The following LRBA variants were observed in gnomAD, a reference collection of about 807,000 sequenced individuals.
LRBA encodes the protein lipopolysaccharide-responsive and beige-like anchor protein.
In LRBA, 176 loss-of-function variants were observed where a neutral mutation model predicts 330.0. The ratio of observed to expected loss-of-function variants is 0.53; its 90% confidence interval spans 0.47 to 0.60. The LOEUF (loss-of-function observed/expected upper bound fraction) is 0.60, where lower values mean the gene tolerates loss of function less well. LRBA is among the 20% of genes least tolerant of loss of function. The pLI, the probability that LRBA is intolerant of heterozygous loss-of-function variation, is 0.00. For missense variants in LRBA, 3,259 were observed against 3,444.8 expected, an observed-to-expected ratio of 0.95 and a Z score of 1.35; for synonymous variants, 1,230 against 1,193.0, an observed-to-expected ratio of 1.03 and a Z score of -0.64.
chr4:150,861,769 A>T (rs892599477), intron 22 of LRBA, among the ~76,000 whole-genome samples: 2 of 152,142 alleles, frequency 1.3e-5, no homozygotes, highest in Non-Finnish European at 2.9e-5. Flanking sequence ...AAACTTTTTG[A>T]CTCTTTTGAA....
intron 34 of LRBA, among the ~76,000 whole-genome samples, chr4:150,765,418 T>C (rs1455296003): frequency 1.3e-5 from 2 of 152,024 alleles, no homozygotes; most frequent in Non-Finnish European, 2.9e-5. Context: ...TGGGTGATAA[T>C]GATATGTCAA....
At chr4:150,766,658 G>T (rs759462600) in intron 34 of LRBA, among the ~76,000 whole-genome samples, 1 of 152,082 alleles carries the variant, frequency 6.6e-6, no homozygotes, top group South Asian at 2.1e-4. Context: ...AATGGTCATC[G>T]TCTTTCATGA....
Position 150,908,706 on chromosome 4 carries a change from T to A in LRBA, c.1313A>T (p.Asp438Val). The change falls in exon 10 of 57, where the codon GAC becomes GTC. Residue 438 changes from aspartate to valine, a missense_variant. Asp to Val is a radical substitution (Grantham distance 152, BLOSUM62 -3). Transcript: ENST00000651943. ...AQLCLESSPK[D>V]NPSIFVHSPH... ...TGAATGAACAAAAATTGAAGGGTTG[T>A]CCTTAGGAGATGATTCAAGACAAAG... 6.2e-7 allele frequency: 1 copy of A among 1,614,050 alleles called. No homozygotes were observed. The highest frequency in any genetic ancestry group is 8.5e-7 in the Non-Finnish European group (1 of 1,179,930).
intron 50 of LRBA, 58 bp from the exon 51 acceptor site, chr4:150,315,681 A>G (rs2126900700): frequency 1.0e-6 from 1 of 1,002,430 alleles, no homozygotes. Context: ...TAAACTACAT[A>G]AAAATGCATA....
At chr4:150,726,287 A>G (rs1285652578) in intron 36 of LRBA, among the ~76,000 whole-genome samples, 1 of 152,220 alleles carries the variant, frequency 6.6e-6, no homozygotes, top group African/African-American at 2.4e-5. Flanking sequence ...TAGACTGAAG[A>G]TAAAGAGACG....
At chr4:151,007,024 T>C (rs1302480632) in intron 2 of LRBA, among the ~76,000 whole-genome samples, 1 of 151,940 alleles carries the variant, frequency 6.6e-6, no homozygotes, top group Non-Finnish European at 1.5e-5. Context: ...AATAAAGAGG[T>C]CTTCCCTATT....
intron 37 of LRBA, among the ~76,000 whole-genome samples, chr4:150,625,604 T>G (rs1035872816): frequency 1.3e-5 from 2 of 151,820 alleles, no homozygotes; most frequent in Non-Finnish European, 2.9e-5. Flanking sequence ...CAATCTTGCA[T>G]GAGCATTAGA....
At chr4:150,544,297 T>G (rs968579825) in intron 40 of LRBA, among the ~76,000 whole-genome samples, 2 of 152,060 alleles carry the variant, frequency 1.3e-5, no homozygotes, top group African/African-American at 4.8e-5. Context: ...CCAGCTAATT[T>G]TTGTATTTTT....
chr4:150,336,796 C>G (rs369404042), intron 48 of LRBA, among the ~76,000 whole-genome samples: 3 of 152,174 alleles, frequency 2.0e-5, no homozygotes, highest in East Asian at 3.8e-4. Flanking sequence ...CCATCTACTA[C>G]AGCATAATCC....
chr4:150,583,121 T>A lies in LRBA; in HGVS notation c.6330+4927A>T. 6.2e-7 allele frequency: 1 copy of A among 1,614,112 alleles called. No individual in the cohort carries two copies. The highest frequency in any genetic ancestry group is 8.5e-7 in the Non-Finnish European group (1 of 1,180,014). ...CGCAAGGCGGCCATCGCCAAAACCA[T>A]CCGAGAGGTCTGTAAGGTGGTCTCG... On this transcript the variant is annotated intron_variant, in intron 40 of 56. Transcript: ENST00000651943. This position sits in a 1 kb window ranked among gnomAD's most constrained non-coding sequence, Gnocchi z 9.8.
intron 47 of LRBA, among the ~76,000 whole-genome samples, chr4:150,397,789 A>G (rs1744943168): frequency 6.6e-6 from 1 of 152,182 alleles, no homozygotes; most frequent in South Asian, 2.1e-4. Flanking sequence ...TCAAGTTTCT[A>G]ATCTACAGGT....
At chr4:150,457,267 GTTGTC>G (rs1432905900) in intron 44 of LRBA, among the ~76,000 whole-genome samples, 3 of 151,956 alleles carry the variant, frequency 2.0e-5, no homozygotes, top group Non-Finnish European at 4.4e-5. Context: ...ACTGAAAAAT[GTTGTC>G]TTATTAGTCT....
intron 22 of LRBA, among the ~76,000 whole-genome samples, chr4:150,854,343 TAACAA>T (rs1291524457): frequency 6.6e-6 from 1 of 152,210 alleles, no homozygotes; most frequent in Admixed American, 6.5e-5. Flanking sequence ...ATAATCACAT[TAACAA>T]AATATCAATT....
intron 17 of LRBA, among the ~76,000 whole-genome samples, chr4:150,884,683 G>T (rs1170938656): frequency 6.6e-6 from 1 of 151,850 alleles, no homozygotes. Flanking sequence ...ACTAAATGAG[G>T]CAAATTATTT....
intron 33 of LRBA, 109 bp from the exon 34 acceptor site, chr4:150,798,251 T>G (rs1003675769): frequency 4.3e-6 from 3 of 690,060 alleles, no homozygotes; most frequent in Admixed American, 2.2e-5. Flanking sequence ...CTATTAATAG[T>G]GCACATTTAA....
chr4:150,916,375 A>G (rs1380120442), intron 7 of LRBA, 26 bp downstream of exon 7: 2 of 1,606,958 alleles, frequency 1.2e-6, no homozygotes, highest in African/African-American at 2.7e-5. Flanking sequence ...TTGTTAACAT[A>G]ACTATGACTC....
intron 40 of LRBA, among the ~76,000 whole-genome samples, chr4:150,587,133 G>A (rs1477973242): frequency 1.3e-5 from 2 of 152,090 alleles, no homozygotes; most frequent in South Asian, 2.1e-4. Flanking sequence ...TGATTTGTTT[G>A]TATAGTTTTA....
chr4:150,990,075 CA>C (rs1741899325), intron 2 of LRBA, among the ~76,000 whole-genome samples: 1 of 151,622 alleles, frequency 6.6e-6, no homozygotes. Flanking sequence ...AATATTCAAG[CA>C]AAATGAAAGA....
chr4:150,828,589 T>C lies in LRBA; in HGVS notation c.4762A>G (p.Thr1588Ala), dbSNP rs2126812209. ...CTTTCAGATTCTTCCACTGATGCCG[T>C]AGTTAAAGTGCTGAATGCTGCTGGT... ...ITPAAFSTLT[T>A]ASVEESESTS... is the part of the protein sequence containing the mutation. Residue 1588 changes from threonine (T) to alanine (A), a missense_variant, in exon 30 of 57, where the codon ACG (threonine) becomes GCG (alanine). Transcript: ENST00000651943. 4 of 1,613,988 alleles carry C rather than the reference T, an allele frequency of 2.5e-6. No homozygotes were observed. In the South Asian group the frequency reaches 4.4e-5, roughly 18 times the overall value.
Sources: gnomAD v4.1 joint callset for allele counts (sites outside exome capture counted in the v4.1 genomes callset) on GRCh38, gnomAD v4.1.1 for gene constraint, Gnocchi (gnomAD v3.1) non-coding constraint, MANE v1.5 for transcripts, NCBI Gene and HGNC (gene_info 2026-07-23, HGNC 2026-07-21) for gene names.